Variants in MPDZ observed in about 807,000 individuals in gnomAD.
MPDZ encodes multiple PDZ domain protein.
MPDZ carries 234 observed loss-of-function variants against 239.1 expected under a neutral mutation model. The ratio of observed to expected loss-of-function variants is 0.98; its 90% CI spans 0.88 to 1.09. MPDZ has a LOEUF of 1.09. Among genes scored for constraint, MPDZ ranks in the 50% least tolerant of loss-of-function variants. The pLI, the probability that MPDZ is intolerant of heterozygous loss-of-function variation, is 0.00. For synonymous variants in MPDZ, 1,048 were observed against 881.3 expected (o/e 1.19, Z -3.35); for missense variants, 3,175 against 2,510.0 (o/e 1.26, Z -5.66).
chr9:13,264,675 A>T (rs1971428429), intron 1 of MPDZ, among the ~76,000 whole-genome samples: 1 of 150,698 alleles, frequency 6.6e-6, no homozygotes, highest in Middle Eastern at 3.2e-3. Context: ...AAAAAAAAAG[A>T]GTCCAAAATA....
intron 27 of MPDZ, among the ~76,000 whole-genome samples, chr9:13,142,319 G>C (rs1947826856): frequency 6.6e-6 from 1 of 151,908 alleles, no homozygotes; most frequent in African/African-American, 2.4e-5. Flanking sequence ...AAATCAAAAT[G>C]GTGCCCTAAC....
intron 1 of MPDZ, 124 bp downstream of exon 1, chr9:13,279,276 T>TCCCCCCCCCCCCCC (rs1975072462): frequency 2.9e-5 from 3 of 102,430 alleles, no homozygotes; most frequent in South Asian, 3.5e-4. Flanking sequence ...CCCACCCCCA[T>TCCCCCCCCCCCCCC]CCCCGCCCCC....
intron 29 of MPDZ, 134 bp downstream of exon 29, chr9:13,137,823 T>G: frequency 1.1e-6 from 1 of 899,486 alleles, no homozygotes; most frequent in Non-Finnish European, 1.7e-6. Context: ...CCAGATTTGC[T>G]GCAATGCATC....
intron 24 of MPDZ, among the ~76,000 whole-genome samples, chr9:13,155,584 G>C (rs1563920697): frequency 6.6e-6 from 1 of 152,068 alleles, no homozygotes; most frequent in Non-Finnish European, 1.5e-5. Context: ...AATACATGTA[G>C]TAGTATATCA....
intron 22 of MPDZ, chr9:13,165,412 G>C (rs1950954799): frequency 3.9e-6 from 6 of 1,549,148 alleles, no homozygotes; most frequent in African/African-American, 2.7e-5. Flanking sequence ...AGAAAATCTA[G>C]AATGTGAAGC....
Position 13,219,651 on chromosome 9 carries a change from T to A in MPDZ, c.994A>T (p.Met332Leu). The change falls in exon 8 of 47, where the codon ATG (methionine) becomes TTG (leucine). Residue 332 changes from methionine to leucine, a missense_variant. Met to Leu is a conservative substitution (Grantham distance 15). Transcript: ENST00000319217. The part of the protein sequence containing the change: ...LRQCGNRVKL[M>L]IARGAIEERT... ...TCTTCTATGGCACCTCTTGCAATCA[T>A]CAACTTAACTCTATTTCCACATTGC... The A allele has an allele frequency of 6.2e-7, 1 of 1,612,728 alleles. No homozygotes were observed. Among genetic ancestry groups the A allele is most frequent in the Non-Finnish European group, 8.5e-7 (1 of 1,179,248 alleles).
At chr9:13,181,386 A>G (rs1587581705) in intron 19 of MPDZ, among the ~76,000 whole-genome samples, 1 of 152,126 alleles carries the variant, frequency 6.6e-6, no homozygotes, top group East Asian at 1.9e-4. Flanking sequence ...CACATTATAT[A>G]TTTATTTTAT....
At chr9:13,186,488 G>C in intron 17 of MPDZ, 102 bp from the exon 18 acceptor site, 1 of 772,616 alleles carries the variant, frequency 1.3e-6, no homozygotes, top group East Asian at 2.7e-5. Flanking sequence ...GGGGCGAGAA[G>C]AGAAAGAAAT....
At chr9:13,212,745 A>G (rs1204075539) in intron 10 of MPDZ, among the ~76,000 whole-genome samples, 1 of 147,138 alleles carries the variant, frequency 6.8e-6, no homozygotes, top group African/African-American at 2.5e-5. Context: ...GGCAGAGGCG[A>G]GAGGATCTGT....
At chr9:13,256,859 G>C (rs546129324) in intron 1 of MPDZ, among the ~76,000 whole-genome samples, 46 of 152,292 alleles carry the variant, frequency 3.0e-4, no homozygotes, top group African/African-American at 1.1e-3. Flanking sequence ...AGACTTGCTT[G>C]ACACAGAGTT....
At chr9:13,225,863 G>A (rs775698797) in intron 3 of MPDZ, among the ~76,000 whole-genome samples, 51 of 151,912 alleles carry the variant, frequency 3.4e-4, no homozygotes, top group Non-Finnish European at 5.6e-4. Context: ...CAGCAAAATG[G>A]AAGCTTCCAG....
At chr9:13,114,147 G>A (rs1307781299) in intron 40 of MPDZ, 126 bp from the exon 41 acceptor site, 4 of 759,980 alleles carry the variant, frequency 5.3e-6, no homozygotes, top group East Asian at 2.7e-5. Context: ...ATAATTTGAT[G>A]AGCAATTTAA....
chr9:13,178,089 C>A (rs1271061749), intron 19 of MPDZ, among the ~76,000 whole-genome samples: 2 of 151,796 alleles, frequency 1.3e-5, no homozygotes, highest in Non-Finnish European at 2.9e-5. Context: ...CAGGCGTGAG[C>A]CACTAAAAAT....
chr9:13,113,622 G>A (rs949975110), intron 41 of MPDZ, among the ~76,000 whole-genome samples: 6 of 152,150 alleles, frequency 3.9e-5, no homozygotes, highest in Admixed American at 2.0e-4. Flanking sequence ...GGCATCTTCT[G>A]ATTTACTGGT....
intron 15 of MPDZ, among the ~76,000 whole-genome samples, chr9:13,190,601 G>T (rs1458310377): frequency 6.6e-6 from 1 of 152,142 alleles, no homozygotes; most frequent in East Asian, 1.9e-4. Flanking sequence ...TTTCATCAGT[G>T]TTTCAATCAT....
chr9:13,184,545 T>C (rs1953831564), intron 18 of MPDZ, among the ~76,000 whole-genome samples: 1 of 151,986 alleles, frequency 6.6e-6, no homozygotes, highest in Non-Finnish European at 1.5e-5. Context: ...GATTTTCTCT[T>C]CAAATATACT....
At chr9:13,162,850 T>A in intron 22 of MPDZ, 55 bp from the exon 23 acceptor site, 1 of 1,238,414 alleles carries the variant, frequency 8.1e-7, no homozygotes, top group South Asian at 1.3e-5. Flanking sequence ...TGCCTAATTG[T>A]TAGGAAAAGC....
In MPDZ at chr9:13,205,864, A is replaced by C. The variant is rs574306760; in HGVS notation, c.1474+52T>G. 12 of 1,448,668 alleles carry C rather than the reference A, an allele frequency of 8.3e-6. No homozygotes were observed. The African/African-American group carries it at 1.6e-4, about 19-fold the overall frequency. 89.7% of individuals were successfully genotyped at this position (1,448,668 alleles called of 1,614,324 possible). On this transcript the variant is annotated intron_variant, in intron 11 of 46. Transcript: ENST00000319217. ...GTAAGTTACTTTGGAATTTAAAAAA[A>C]ATTGGAGACAATATAAAGGTCTAAC...
intron 2 of MPDZ, among the ~76,000 whole-genome samples, chr9:13,249,004 A>AAAAAAAAAAAAAAAC: frequency 6.8e-6 from 1 of 146,398 alleles, no homozygotes; most frequent in Non-Finnish European, 1.5e-5. Context: ...AAAAAAAAAA[A>AAAAAAAAAAAAAAAC]AAAAATTGGA....
Sources: allele counts gnomAD v4.1 joint callset (sites outside exome capture counted in the v4.1 genomes callset), GRCh38; gene constraint gnomAD v4.1.1; transcripts MANE v1.5; gene names NCBI Gene and HGNC (gene_info 2026-07-23, HGNC 2026-07-21).